KCNQ5: variants seen among roughly 807,000 people sequenced by gnomAD.
KCNQ5 encodes potassium voltage-gated channel subfamily KQT member 5.
In KCNQ5, 30 loss-of-function variants were observed where a neutral mutation model predicts 98.2. The observed-to-expected ratio is 0.31, with a 90% CI of 0.23 to 0.41. KCNQ5 has a LOEUF of 0.41. Ranked by LOEUF, KCNQ5 falls within the 10% of genes least tolerant of loss-of-function variation. The pLI, the probability that KCNQ5 is intolerant of heterozygous loss-of-function variation, is 1.00. For missense variants in KCNQ5, 835 were observed against 1,182.5 expected (o/e 0.71, Z 4.31); for synonymous variants, 458 against 449.4 (o/e 1.02, Z -0.24).
At chr6:72,748,403 T>C (rs1274042578) in intron 1 of KCNQ5, among the ~76,000 whole-genome samples, 1 of 152,130 alleles carries the variant, frequency 6.6e-6, no homozygotes, top group East Asian at 1.9e-4. Context: ...CTTCACAGCC[T>C]GTTATGAATG....
chr6:72,972,590 G>A (rs1427207707), intron 1 of KCNQ5, among the ~76,000 whole-genome samples: 2 of 151,320 alleles, frequency 1.3e-5, no homozygotes, highest in African/African-American at 4.9e-5. Context: ...GAGAACATAT[G>A]GTGTTTGGTT....
Position 73,195,403 on chromosome 6 carries a change from A to G in KCNQ5, c.2788A>G (p.Lys930Glu). 1.2e-6 allele frequency: 2 copies of G among 1,612,356 alleles called. No homozygotes were observed. The highest frequency in any genetic ancestry group is 1.7e-6 in the Non-Finnish European group (2 of 1,178,632). ...STDALSLPHV[K>E]LK ...AGATGCCCTCAGCTTGCCTCATGTC[A>G]AACTGAAATAAGTTCTTCATTTTCT... Residue 930 changes from lysine (K) to glutamate (E), a missense_variant, in exon 14 of 14, where the codon AAA (lysine) becomes GAA (glutamate). Lys to Glu is a moderately conservative substitution (Grantham distance 56). Around this residue, in one of 10 missense-constraint regions of KCNQ5, gnomAD observed 416 missense variants for 446.9 expected, o/e 0.93. Coordinates refer to ENST00000370398, the MANE Select transcript of KCNQ5 (RefSeq NM_019842.4).
chr6:73,069,043 C>A (rs1250432582), intron 3 of KCNQ5, among the ~76,000 whole-genome samples: 1 of 151,914 alleles, frequency 6.6e-6, no homozygotes, highest in East Asian at 1.9e-4. Context: ...TAAACTTTGT[C>A]AGTTTGATAG....
intron 1 of KCNQ5, among the ~76,000 whole-genome samples, chr6:72,985,434 A>G (rs1210475383): frequency 2.0e-5 from 3 of 152,228 alleles, no homozygotes; most frequent in Non-Finnish European, 2.9e-5. Flanking sequence ...CCCTGTCCCC[A>G]AAAAGGACTT....
At chr6:72,994,284 T>G (rs1380159869) in intron 1 of KCNQ5, among the ~76,000 whole-genome samples, 6 of 50,226 alleles carry the variant, frequency 1.2e-4, no homozygotes, top group Non-Finnish European at 1.5e-4. Context: ...CAGTTTGATC[T>G]CAGACTGCTG....
chr6:72,987,917 G>A (rs938251772), intron 1 of KCNQ5, among the ~76,000 whole-genome samples: 1 of 152,150 alleles, frequency 6.6e-6, no homozygotes, highest in African/African-American at 2.4e-5. Context: ...GGAACACTAG[G>A]CATAAGTGGG....
intron 3 of KCNQ5, chr6:73,055,236 A>G: frequency 8.0e-7 from 1 of 1,245,428 alleles, no homozygotes; most frequent in East Asian, 2.3e-5. Flanking sequence ...GATGCTGGCT[A>G]TGAGTTTGAC....
At chr6:73,078,508 AG>A (rs1297917319) in intron 5 of KCNQ5, among the ~76,000 whole-genome samples, 1 of 152,246 alleles carries the variant, frequency 6.6e-6, no homozygotes, top group Non-Finnish European at 1.5e-5. Flanking sequence ...TCATTTTAAA[AG>A]TTTAAGTCAT....
intron 10 of KCNQ5, among the ~76,000 whole-genome samples, chr6:73,161,893 C>G (rs945377131): frequency 2.6e-5 from 4 of 151,886 alleles, no homozygotes; most frequent in African/African-American, 9.7e-5. Context: ...CAAAATTTGG[C>G]TTAGATCTTT....
At chr6:72,783,766 A>C (rs751337450) in intron 1 of KCNQ5, among the ~76,000 whole-genome samples, 14 of 152,222 alleles carry the variant, frequency 9.2e-5, no homozygotes, top group Non-Finnish European at 1.9e-4. Flanking sequence ...GGGGAAAAAG[A>C]CATTTTCTTT....
chr6:72,954,531 C>CTG (rs3068309), intron 1 of KCNQ5, among the ~76,000 whole-genome samples: 10,890 of 150,356 alleles, frequency 0.072, 544 homozygotes, highest in African/African-American at 0.14. Flanking sequence ...CAAGACTTTT[C>CTG]TGTGTGTGTG....
chr6:72,836,969 T>G (rs6907502), intron 1 of KCNQ5, among the ~76,000 whole-genome samples: 40,445 of 152,072 alleles, frequency 0.27, 6,355 homozygotes, highest in African/African-American at 0.43. Context: ...TCTTTTTAAC[T>G]TAATATATTG....
At chr6:72,880,710 G>T (rs1425794181) in intron 1 of KCNQ5, among the ~76,000 whole-genome samples, 7 of 152,160 alleles carry the variant, frequency 4.6e-5, no homozygotes, top group African/African-American at 1.7e-4. Context: ...TGGCTGCAGA[G>T]TAACACTACT....
At chr6:72,905,839 T>C (rs1052737595) in intron 1 of KCNQ5, among the ~76,000 whole-genome samples, 3 of 152,136 alleles carry the variant, frequency 2.0e-5, no homozygotes, top group African/African-American at 7.2e-5. Flanking sequence ...TTCTTAACTT[T>C]GGTGGTTTAA....
chr6:73,148,035 AAAG>A (rs141176306), intron 10 of KCNQ5, among the ~76,000 whole-genome samples: 2,332 of 152,276 alleles, frequency 0.015, 68 homozygotes, highest in African/African-American at 0.054. Flanking sequence ...ATGCAATTAA[AAAG>A]AAGAAAGAAA....
In KCNQ5 at chr6:72,716,823, A is replaced by G. The variant is rs562429784; in HGVS notation, c.398+94236A>G. Among the ~76,000 whole-genome samples, 3 of 152,328 alleles carry G rather than the reference A, an allele frequency of 2.0e-5. No individual in the cohort carries two copies. In the South Asian group the frequency reaches 6.2e-4, roughly 32 times the overall value. On this transcript the variant is annotated intron_variant, in intron 1 of 13. Coordinates refer to ENST00000370398, the MANE Select transcript of KCNQ5 (RefSeq NM_019842.4). ...GAACAGATTGCAGGGATGTGTATTC[A>G]TAAAGTGACGTATAAACTTTTTTCT... is the stretch of plus-strand genomic sequence containing the variant.
At chr6:72,903,618 T>C (rs773640888) in intron 1 of KCNQ5, among the ~76,000 whole-genome samples, 1 of 152,214 alleles carries the variant, frequency 6.6e-6, no homozygotes, top group Non-Finnish European at 1.5e-5. Flanking sequence ...GGTTATTCAA[T>C]TTCCATGTAT....
intron 1 of KCNQ5, among the ~76,000 whole-genome samples, chr6:72,724,813 C>CA (rs1326052572): frequency 6.6e-6 from 1 of 152,102 alleles, no homozygotes; most frequent in Non-Finnish European, 1.5e-5. Flanking sequence ...CATGCTTGTA[C>CA]AAAATGCCTG....
At position 73,174,342 on chromosome 6, in the gene KCNQ5, G is replaced by A. The variant is rs116435418; in HGVS notation, c.1577+4488G>A. Among the ~76,000 whole-genome samples, 709 of 152,146 alleles carry A rather than the reference G, an allele frequency of 4.7e-3. 5 individuals carry two copies. Among genetic ancestry groups the A allele is most frequent in the African/African-American group, 0.015 (633 of 41,504 alleles). Reference sequence around the variant, plus strand: ...ACTGAATCAAAATACTGTGAAACCTGTTCTTTTTGTGAATATCAACAAAAC... The same window carrying A: ...ACTGAATCAAAATACTGTGAAACCTATTCTTTTTGTGAATATCAACAAAAC... On this transcript the variant is annotated intron_variant, in intron 11 of 13. Transcript: ENST00000370398.
Sources: gnomAD v4.1 joint callset for allele counts (sites outside exome capture counted in the v4.1 genomes callset) on GRCh38, gnomAD v4.1.1 for gene constraint, gnomAD v4.1.1 regional missense constraint, MANE v1.5 for transcripts, NCBI Gene and HGNC (gene_info 2026-07-23, HGNC 2026-07-21) for gene names.